Variants in DNAH12 observed in about 807,000 individuals in gnomAD.
The protein encoded by DNAH12 is dynein axonemal heavy chain 12, also known as axonemal beta dynein heavy chain 12.
In DNAH12, 285 loss-of-function variants were observed where a neutral mutation model predicts 371.5. That is an observed-to-expected ratio of 0.77 (90% CI 0.70 to 0.85). The LOEUF (loss-of-function observed/expected upper bound fraction) is 0.85. Ranked by LOEUF, DNAH12 falls within the 40% of genes least tolerant of loss-of-function variation. DNAH12 has a pLI of 0.00. For synonymous variants in DNAH12, 1,200 were observed against 1,213.0 expected (o/e 0.99, Z 0.22); for missense variants, 3,611 against 3,689.4 (o/e 0.98, Z 0.55).
chr3:57,449,643 C>CG (rs1372633022), intron 25 of DNAH12, among the ~76,000 whole-genome samples: 13 of 152,186 alleles, frequency 8.5e-5, no homozygotes, highest in Non-Finnish European at 4.4e-5. Context: ...GCTCAGAGTG[C>CG]GGGGCCCGCC....
At chr3:57,500,982 T>C (rs1283255932) in intron 11 of DNAH12, among the ~76,000 whole-genome samples, 2 of 152,200 alleles carry the variant, frequency 1.3e-5, no homozygotes, top group Non-Finnish European at 2.9e-5. Flanking sequence ...GGTCTCACTA[T>C]GTTGCCCAGG....
intron 65 of DNAH12, among the ~76,000 whole-genome samples, chr3:57,317,467 G>A (rs1273623784): frequency 6.6e-6 from 1 of 152,104 alleles, no homozygotes; most frequent in Non-Finnish European, 1.5e-5. Flanking sequence ...GAATCATACA[G>A]CATTTCTCTT....
intron 70 of DNAH12, 91 bp from the exon 71 acceptor site, chr3:57,297,075 T>C (rs1303504439): frequency 6.9e-7 from 1 of 1,445,442 alleles, no homozygotes; most frequent in East Asian, 2.5e-5. Flanking sequence ...TTTTTGCTTA[T>C]GTTGCCCACA....
chr3:57,390,886 A>G (rs1313745599), intron 45 of DNAH12, among the ~76,000 whole-genome samples: 1 of 152,058 alleles, frequency 6.6e-6, no homozygotes, highest in Non-Finnish European at 1.5e-5. Flanking sequence ...TGCTACTGTG[A>G]TATCTCTGGT....
At chr3:57,403,650 G>T in intron 42 of DNAH12, 149 bp from the exon 43 acceptor site, 3 of 763,180 alleles carry the variant, frequency 3.9e-6, no homozygotes, top group Non-Finnish European at 3.8e-6. Flanking sequence ...CTATCAAAAA[G>T]TGTGATTTTT....
intron 13 of DNAH12, among the ~76,000 whole-genome samples, chr3:57,477,962 C>A (rs2066595227): frequency 6.6e-6 from 1 of 152,118 alleles, no homozygotes; most frequent in Non-Finnish European, 1.5e-5. Flanking sequence ...GATAAAACCA[C>A]AAAGATGGGG....
intron 60 of DNAH12, among the ~76,000 whole-genome samples, chr3:57,340,465 A>G (rs2062366772): frequency 6.6e-6 from 1 of 152,120 alleles, no homozygotes; most frequent in Admixed American, 6.5e-5. Context: ...AAACAAAAGG[A>G]GACATTACAG....
chr3:57,449,698 A>T (rs1279644578), intron 25 of DNAH12, among the ~76,000 whole-genome samples: 2 of 152,144 alleles, frequency 1.3e-5, no homozygotes, highest in East Asian at 1.9e-4. Context: ...CAAGCGCCGC[A>T]CGCAGCCTTG....
At chr3:57,325,871 A>G (rs1488217624) in intron 62 of DNAH12, among the ~76,000 whole-genome samples, 1 of 152,238 alleles carries the variant, frequency 6.6e-6, no homozygotes. Flanking sequence ...AGAAGTGCTT[A>G]AAGGAGCTGA....
rs140887690 is a variant in DNAH12, at chr3:57,489,368, G to C, written c.1514+141C>G. 2,970 of 748,724 alleles carry C rather than the reference G, an allele frequency of 4.0e-3. 53 individuals carry two copies. In the African/African-American group the frequency reaches 0.048, roughly 12 times the overall value. 46.4% of individuals were successfully genotyped at this position (748,724 alleles called of 1,614,324 possible). ...GAATCCAGCCCAATGGGACTACAAA[G>C]GCACCTCTATAGGAGGCAGCTATGG... On this transcript the variant is annotated intron_variant, in intron 12 of 73. Transcript: ENST00000495027.
At chr3:57,382,923 A>C (rs2063424897) in intron 49 of DNAH12, among the ~76,000 whole-genome samples, 1 of 152,250 alleles carries the variant, frequency 6.6e-6, no homozygotes, top group African/African-American at 2.4e-5. Flanking sequence ...TGGAAAGCTA[A>C]CAACTATATA....
chr3:57,520,064 TG>T, intron 4 of DNAH12: 2 of 518,258 alleles, frequency 3.9e-6, no homozygotes, highest in South Asian at 2.1e-5. Context: ...CCGGAGGCTG[TG>T]GCGGCTCTGT....
chr3:57,489,452 T>C, intron 12 of DNAH12, 57 bp downstream of exon 12: 3 of 1,429,196 alleles, frequency 2.1e-6, no homozygotes, highest in Non-Finnish European at 2.7e-6. Flanking sequence ...AGAGTTACTT[T>C]AGCAAAATAC....
At chr3:57,382,183 T>G (rs994688167) in intron 50 of DNAH12, 79 bp downstream of exon 50, 2 of 152,214 alleles carry the variant, frequency 1.3e-5, no homozygotes, top group Admixed American at 6.5e-5. Context: ...ATTTGGGTAC[T>G]GTTGATATTT....
chr3:57,492,567 G>A (rs1436886841), intron 11 of DNAH12, among the ~76,000 whole-genome samples: 2 of 151,954 alleles, frequency 1.3e-5, no homozygotes, highest in East Asian at 3.8e-4. Context: ...CACAACTATA[G>A]TATATCAGAA....
At chr3:57,367,596 C>A (rs1451470660) in intron 56 of DNAH12, among the ~76,000 whole-genome samples, 1 of 152,142 alleles carries the variant, frequency 6.6e-6, no homozygotes, top group Non-Finnish European at 1.5e-5. Flanking sequence ...ATTAGCTGGA[C>A]AATGTTTACC....
chr3:57,319,684 A>G (rs913378207), intron 65 of DNAH12, among the ~76,000 whole-genome samples: 2 of 151,502 alleles, frequency 1.3e-5, no homozygotes, highest in African/African-American at 4.9e-5. Context: ...GGCTCAAGCA[A>G]TTCTCCTGCC....
At chr3:57,306,519 C>T (rs980566136) in intron 69 of DNAH12, among the ~76,000 whole-genome samples, 1 of 152,092 alleles carries the variant, frequency 6.6e-6, no homozygotes, top group Non-Finnish European at 1.5e-5. Flanking sequence ...GCCGCCTTTT[C>T]CCCCAGTTCA....
At chr3:57,428,187 CCA>C (rs1401346906) in intron 34 of DNAH12, among the ~76,000 whole-genome samples, 1 of 152,076 alleles carries the variant, frequency 6.6e-6, no homozygotes, top group Non-Finnish European at 1.5e-5. Flanking sequence ...CCTCAGCTTC[CCA>C]CAGTGTGCTG....
Sources: gnomAD v4.1 joint callset for allele counts (sites outside exome capture counted in the v4.1 genomes callset) on GRCh38, gnomAD v4.1.1 for gene constraint, MANE v1.5 for transcripts, NCBI Gene and HGNC (gene_info 2026-07-23, HGNC 2026-07-21) for gene names.